The following EPHA6 variants were observed in gnomAD, a reference collection of about 807,000 sequenced individuals.
The protein encoded by EPHA6 is ephrin type-A receptor 6.
Under a neutral mutation model 112.0 loss-of-function variants are expected in EPHA6, and 50 were observed. That is an observed-to-expected ratio of 0.45 (90% CI 0.36 to 0.56). The LOEUF (loss-of-function observed/expected upper bound fraction) is 0.56, where lower values mean the gene tolerates loss of function less well. EPHA6 is among the 20% of genes least tolerant of loss of function. EPHA6 has a pLI of 0.00. For missense variants in EPHA6, 1,280 were observed against 1,417.4 expected, an observed-to-expected ratio of 0.90 and a Z score of 1.56; for synonymous variants, 529 against 490.7, an observed-to-expected ratio of 1.08 and a Z score of -1.03.
intron 2 of EPHA6, among the ~76,000 whole-genome samples, chr3:96,898,187 A>C (rs2038386300): frequency 6.6e-6 from 1 of 152,168 alleles, no homozygotes; most frequent in South Asian, 2.1e-4. Context: ...AATGTCTGGT[A>C]ATGAAAGGCA....
rs2036106592 is a variant in EPHA6, at chr3:97,759,533, A to C, written c.*10832A>C. On this transcript the variant is annotated 3_prime_UTR_variant, in exon 18 of 18. Coordinates refer to ENST00000389672, the MANE Select transcript of EPHA6 (RefSeq NM_001080448.3). Reference sequence around the variant, plus strand: ...GAAAACTGATTATGCAAGAGAGATGATAATTGTAACAAAGGCCTTGAGAGA... The same window carrying C: ...GAAAACTGATTATGCAAGAGAGATGCTAATTGTAACAAAGGCCTTGAGAGA... The C allele has an allele frequency of 4.3e-6, 1 of 230,832 alleles. No individual in the cohort carries two copies. Among genetic ancestry groups the C allele is most frequent in the Non-Finnish European group, 8.6e-6 (1 of 116,524 alleles). 14.3% of individuals were successfully genotyped at this position (230,832 alleles called of 1,614,324 possible).
intron 2 of EPHA6, among the ~76,000 whole-genome samples, chr3:96,984,661 C>T (rs2042949506): frequency 6.6e-6 from 1 of 152,320 alleles, no homozygotes; most frequent in Admixed American, 6.5e-5. Flanking sequence ...GTGGCGTCTA[C>T]AGAGGCAGGC....
chr3:97,629,174 T>G (rs1223633544), intron 13 of EPHA6, among the ~76,000 whole-genome samples: 1 of 151,942 alleles, frequency 6.6e-6, no homozygotes. Context: ...ATGATCCTCC[T>G]GCTTCAGCCT....
chr3:96,852,355 G>C (rs2035444306), intron 1 of EPHA6, among the ~76,000 whole-genome samples: 1 of 151,988 alleles, frequency 6.6e-6, no homozygotes. Flanking sequence ...CTTGAGCCCA[G>C]AAGGCAGGGG....
intron 3 of EPHA6, among the ~76,000 whole-genome samples, chr3:97,200,532 C>G (rs992918487): frequency 2.0e-5 from 3 of 152,078 alleles, no homozygotes; most frequent in Non-Finnish European, 4.4e-5. Context: ...GTGGTTTCAA[C>G]CTGGCAACCT....
intron 2 of EPHA6, among the ~76,000 whole-genome samples, chr3:96,949,161 G>T (rs749990641): frequency 1.3e-5 from 2 of 151,972 alleles, no homozygotes; most frequent in Non-Finnish European, 2.9e-5. Context: ...ATGAGAATCT[G>T]GCCCAGTTAC....
chr3:97,427,760 C>T (rs936516159), intron 6 of EPHA6, among the ~76,000 whole-genome samples: 21 of 151,934 alleles, frequency 1.4e-4, no homozygotes, highest in African/African-American at 4.4e-4. Context: ...AAAACCATGT[C>T]CTTTGCAGCA....
At chr3:97,179,627 C>T (rs959463429) in intron 3 of EPHA6, among the ~76,000 whole-genome samples, 4 of 151,516 alleles carry the variant, frequency 2.6e-5, no homozygotes, top group African/African-American at 7.3e-5. Flanking sequence ...AGAGGTACTG[C>T]CTTGATGATC....
intron 3 of EPHA6, among the ~76,000 whole-genome samples, chr3:97,114,462 T>A (rs1257684324): frequency 2.0e-5 from 3 of 152,078 alleles, no homozygotes; most frequent in Non-Finnish European, 4.4e-5. Context: ...CAACAAAATC[T>A]TACCGCACTC....
At chr3:97,508,832 G>A (rs193096932) in intron 10 of EPHA6, among the ~76,000 whole-genome samples, 1 of 151,964 alleles carries the variant, frequency 6.6e-6, no homozygotes, top group Admixed American at 6.6e-5. Flanking sequence ...TTATGAACCT[G>A]GGAGCTTCTG....
At chr3:97,225,105 G>A (rs868005880) in intron 3 of EPHA6, among the ~76,000 whole-genome samples, 1 of 152,058 alleles carries the variant, frequency 6.6e-6, no homozygotes, top group African/African-American at 2.4e-5. Flanking sequence ...ACAGGCGCCC[G>A]CCACCACGCC....
chr3:97,032,665 A>G (rs2044912105), intron 3 of EPHA6, among the ~76,000 whole-genome samples: 1 of 151,842 alleles, frequency 6.6e-6, no homozygotes, highest in Non-Finnish European at 1.5e-5. Flanking sequence ...TGTAATCGAG[A>G]ATTCTAATCT....
chr3:97,122,296 T>G (rs1002957624), intron 3 of EPHA6, among the ~76,000 whole-genome samples: 2 of 152,038 alleles, frequency 1.3e-5, no homozygotes, highest in Admixed American at 6.6e-5. Context: ...TCAGCTTGAA[T>G]TTTGCATGTC....
At chr3:97,250,500 C>T (rs924811018) in intron 5 of EPHA6, among the ~76,000 whole-genome samples, 1 of 152,102 alleles carries the variant, frequency 6.6e-6, no homozygotes, top group African/African-American at 2.4e-5. Flanking sequence ...ACTATATCAA[C>T]AATTTTAATG....
intron 11 of EPHA6, among the ~76,000 whole-genome samples, chr3:97,548,238 A>T (rs974889489): frequency 6.6e-6 from 1 of 152,116 alleles, no homozygotes; most frequent in African/African-American, 2.4e-5. Context: ...TCTAATGATT[A>T]GATTATGGTT....
At chr3:97,111,435 G>T (rs886694379) in intron 3 of EPHA6, among the ~76,000 whole-genome samples, 2 of 151,868 alleles carry the variant, frequency 1.3e-5, no homozygotes, top group African/African-American at 2.4e-5. Context: ...CAATTTTCCT[G>T]CCAAGTAGAG....
intron 14 of EPHA6, among the ~76,000 whole-genome samples, chr3:97,663,956 G>A (rs2094188127): frequency 6.6e-6 from 1 of 152,162 alleles, no homozygotes; most frequent in African/African-American, 2.4e-5. Flanking sequence ...CAGCAACAGT[G>A]TAAAAGTGTT....
Position 96,857,884 on chromosome 3 carries a change from G to A in EPHA6, c.386-8941G>A, listed in dbSNP as rs926461296. ...CCTCAGAATGTATATTATTGTGTCCGGTTTAATGACCCAATAACCATGTTT... is the reference window on the plus strand; with the variant it reads ...CCTCAGAATGTATATTATTGTGTCCAGTTTAATGACCCAATAACCATGTTT... On this transcript the variant is annotated intron_variant, in intron 1 of 17. Transcript: ENST00000389672. 2.6e-4 allele frequency among the ~76,000 whole-genome samples: 39 copies of A among 151,940 alleles called. 1 individual carries two copies. The highest frequency in any genetic ancestry group is 8.5e-4 in the Admixed American group (13 of 15,228).
At chr3:97,137,233 T>C (rs903721133) in intron 3 of EPHA6, among the ~76,000 whole-genome samples, 5 of 152,190 alleles carry the variant, frequency 3.3e-5, no homozygotes, top group African/African-American at 9.7e-5. Context: ...TCACTGCCTA[T>C]GGTATGTGTT....
Sources: allele counts gnomAD v4.1 joint callset (sites outside exome capture counted in the v4.1 genomes callset), GRCh38; gene constraint gnomAD v4.1.1; transcripts MANE v1.5; gene names NCBI Gene and HGNC (gene_info 2026-07-23, HGNC 2026-07-21).